The following UTRN variants were observed in gnomAD, a reference collection of about 807,000 sequenced individuals.
UTRN encodes the protein utrophin.
Under a neutral mutation model 463.9 loss-of-function variants are expected in UTRN, and 283 were observed. The observed-to-expected ratio is 0.61, with a 90% CI of 0.55 to 0.67. The LOEUF (loss-of-function observed/expected upper bound fraction) is 0.67. UTRN is among the 30% of genes least tolerant of loss of function. The pLI is 0.00. For synonymous variants in UTRN, 1,442 were observed against 1,431.5 expected (o/e 1.01, Z -0.17); for missense variants, 3,922 against 4,084.3 (o/e 0.96, Z 1.08).
chr6:144,689,058 CCA>C (rs1185198456), intron 52 of UTRN, among the ~76,000 whole-genome samples: 1 of 152,142 alleles, frequency 6.6e-6, no homozygotes, highest in African/African-American at 2.4e-5. Flanking sequence ...CTCTCCTGAC[CCA>C]GTTTCCTGGC....
At chr6:144,749,705 G>A (rs552304755) in intron 55 of UTRN, among the ~76,000 whole-genome samples, 46 of 152,056 alleles carry the variant, frequency 3.0e-4, no homozygotes, top group African/African-American at 1.0e-3. Flanking sequence ...ACCATAAAAA[G>A]AAAAACAAAA....
At position 144,574,602 on chromosome 6, in the gene UTRN, A is replaced by G. The variant is rs553778891; in HGVS notation, c.7290-2497A>G. ...TTTTGTTGTTGTTTGTTTGTTTTTG[A>G]GACAGTTTCACTCTGTCACCCAGAC... On this transcript the variant is annotated intron_variant, in intron 50 of 74. Coordinates refer to ENST00000367545, the MANE Select transcript of UTRN (RefSeq NM_007124.3). Among the ~76,000 whole-genome samples, 92 of 152,132 alleles carry G rather than the reference A, an allele frequency of 6.0e-4. No individual in the cohort carries two copies. The South Asian group carries it at 6.9e-3, about 11-fold the overall frequency.
chr6:144,602,516 G>A (rs1267085354), intron 51 of UTRN, among the ~76,000 whole-genome samples: 4 of 152,126 alleles, frequency 2.6e-5, no homozygotes, highest in Admixed American at 6.5e-5. Context: ...ACATTGAATT[G>A]TAAGCTATGC....
At chr6:144,648,489 T>G (rs1778497403) in intron 51 of UTRN, among the ~76,000 whole-genome samples, 1 of 152,246 alleles carries the variant, frequency 6.6e-6, no homozygotes. Context: ...TTCTAGCTCA[T>G]TTCACAAGAG....
intron 19 of UTRN, among the ~76,000 whole-genome samples, chr6:144,454,372 A>G (rs1425810282): frequency 1.3e-5 from 2 of 152,084 alleles, no homozygotes; most frequent in East Asian, 3.8e-4. Flanking sequence ...AAATGCTCCC[A>G]AGACTTTTTT....
At chr6:144,448,252 A>T (rs1338709041) in intron 16 of UTRN, among the ~76,000 whole-genome samples, 2 of 152,228 alleles carry the variant, frequency 1.3e-5, no homozygotes, top group East Asian at 3.9e-4. Context: ...AACATAGATG[A>T]ACCTTGAAAA....
intron 66 of UTRN, among the ~76,000 whole-genome samples, chr6:144,822,427 T>C (rs1210364114): frequency 6.6e-6 from 1 of 152,020 alleles, no homozygotes. Context: ...ATACAAAAGG[T>C]AAGAAAAAAT....
At chr6:144,660,017 G>GA (rs1435486136) in intron 51 of UTRN, 3 of 343,690 alleles carry the variant, frequency 8.7e-6, no homozygotes, top group Non-Finnish European at 1.8e-5. Flanking sequence ...CGAAGTCCAT[G>GA]AAAAAACGGA....
chr6:144,337,452 T>C (rs1181598168), intron 2 of UTRN, among the ~76,000 whole-genome samples: 2 of 152,204 alleles, frequency 1.3e-5, no homozygotes, highest in East Asian at 3.8e-4. Context: ...ATACAACTTC[T>C]AGGAGTTTTC....
chr6:144,659,111 T>G (rs956077040), intron 51 of UTRN, among the ~76,000 whole-genome samples: 1 of 152,232 alleles, frequency 6.6e-6, no homozygotes, highest in Non-Finnish European at 1.5e-5. Context: ...GCGTATTTCC[T>G]TTTGTGATTT....
At chr6:144,720,279 CTT>C (rs1165697195) in intron 53 of UTRN, among the ~76,000 whole-genome samples, 1 of 152,208 alleles carries the variant, frequency 6.6e-6, no homozygotes, top group Admixed American at 6.5e-5. Context: ...CTTTTAATCT[CTT>C]GTCTTTCTCA....
chr6:144,589,288 C>G (rs977514829), intron 51 of UTRN, among the ~76,000 whole-genome samples: 10 of 152,150 alleles, frequency 6.6e-5, no homozygotes, highest in Non-Finnish European at 1.2e-4. Context: ...ACTGCTAGTA[C>G]AGTTTCCTTA....
intron 2 of UTRN, among the ~76,000 whole-genome samples, chr6:144,366,563 C>A (rs1225410075): frequency 6.6e-6 from 1 of 152,214 alleles, no homozygotes; most frequent in Non-Finnish European, 1.5e-5. Flanking sequence ...ATCCATGTTT[C>A]TGCAAATAAC....
intron 62 of UTRN, among the ~76,000 whole-genome samples, chr6:144,791,867 G>A (rs1228915826): frequency 2.0e-5 from 3 of 152,252 alleles, no homozygotes; most frequent in Non-Finnish European, 4.4e-5. Flanking sequence ...CCTCAAAAGA[G>A]GAAAGTTGGG....
At chr6:144,333,366 A>G (rs1311956715) in intron 2 of UTRN, 2 of 152,150 alleles carry the variant, frequency 1.3e-5, no homozygotes, top group East Asian at 1.9e-4. Flanking sequence ...AAATAGCTTC[A>G]TTTCTATACC....
At chr6:144,387,440 T>A (rs1005675868) in intron 2 of UTRN, among the ~76,000 whole-genome samples, 1 of 152,170 alleles carries the variant, frequency 6.6e-6, no homozygotes, top group Non-Finnish European at 1.5e-5. Flanking sequence ...TGCCCGGCCT[T>A]CTTCCCATTT....
chr6:144,504,727 T>C (rs957868883), intron 34 of UTRN, among the ~76,000 whole-genome samples: 8 of 152,188 alleles, frequency 5.3e-5, no homozygotes, highest in Non-Finnish European at 1.0e-4. Context: ...TTCTTTTTTT[T>C]GTTTTGTCTC....
intron 54 of UTRN, among the ~76,000 whole-genome samples, chr6:144,734,062 C>A (rs1434567812): frequency 6.6e-6 from 1 of 152,070 alleles, no homozygotes; most frequent in Non-Finnish European, 1.5e-5. Flanking sequence ...ACTTCATATA[C>A]AACCTATTAC....
chr6:144,614,482 C>T (rs557413665), intron 51 of UTRN, among the ~76,000 whole-genome samples: 2 of 152,058 alleles, frequency 1.3e-5, no homozygotes, highest in Non-Finnish European at 2.9e-5. Context: ...GCTCATCTTC[C>T]TAATTAAGTA....
Sources: allele counts gnomAD v4.1 joint callset (sites outside exome capture counted in the v4.1 genomes callset), GRCh38; gene constraint gnomAD v4.1.1; transcripts MANE v1.5; gene names NCBI Gene and HGNC (gene_info 2026-07-23, HGNC 2026-07-21).